The following EDAR variants were observed in gnomAD, a reference collection of about 807,000 sequenced individuals.
EDAR encodes tumor necrosis factor receptor superfamily member EDAR.
EDAR carries 38 observed loss-of-function variants against 51.3 expected under a neutral mutation model. That is an observed-to-expected ratio of 0.74 (90% CI 0.57 to 0.97). The LOEUF (loss-of-function observed/expected upper bound fraction) is 0.97. Among genes scored for constraint, EDAR ranks in the 50% least tolerant of loss-of-function variants. EDAR has a pLI of 0.00. For synonymous variants in EDAR, 227 were observed against 242.1 expected (o/e 0.94, Z 0.58); for missense variants, 528 against 595.0 (o/e 0.89, Z 1.17).
intron 1 of EDAR, among the ~76,000 whole-genome samples, chr2:108,953,517 T>C (rs1359126660): frequency 6.6e-6 from 1 of 152,132 alleles, no homozygotes; most frequent in Non-Finnish European, 1.5e-5. Context: ...TTTACTTTTC[T>C]TAAGGCTCAC....
chr2:108,906,534 T>G (rs1696810110), intron 10 of EDAR, among the ~76,000 whole-genome samples, 166 bp from the exon 11 acceptor site: 1 of 152,154 alleles, frequency 6.6e-6, no homozygotes, highest in Non-Finnish European at 1.5e-5. Flanking sequence ...GAGGAGGGCC[T>G]TCTTCAGGTT....
At chr2:108,953,594 C>A (rs1285349902) in intron 1 of EDAR, among the ~76,000 whole-genome samples, 1 of 152,052 alleles carries the variant, frequency 6.6e-6, no homozygotes, top group African/African-American at 2.4e-5. Context: ...TTGTCCAGTT[C>A]TATAGTTGTT....
intron 5 of EDAR, among the ~76,000 whole-genome samples, chr2:108,914,371 G>A (rs1176449958): frequency 6.6e-6 from 1 of 152,196 alleles, no homozygotes; most frequent in Non-Finnish European, 1.5e-5. Context: ...GACTTTTGCT[G>A]TATTTCTGCC....
At chr2:108,946,284 C>T (rs372848746) in intron 1 of EDAR, among the ~76,000 whole-genome samples, 11 of 152,324 alleles carry the variant, frequency 7.2e-5, no homozygotes, top group African/African-American at 1.7e-4. Flanking sequence ...TCAGTACCTA[C>T]GGGTGACAGT....
chr2:108,969,382 T>C (rs1164525910), intron 1 of EDAR, among the ~76,000 whole-genome samples: 1 of 152,198 alleles, frequency 6.6e-6, no homozygotes, highest in Non-Finnish European at 1.5e-5. Context: ...GTTCGGATGG[T>C]TGTATCTCCG....
chr2:108,908,729 A>G (rs978333514), intron 9 of EDAR, among the ~76,000 whole-genome samples: 3 of 152,166 alleles, frequency 2.0e-5, no homozygotes, highest in Admixed American at 6.5e-5. Flanking sequence ...TATATGAAAA[A>G]CAATATTCTT....
chr2:108,972,177 G>A (rs1698246586), intron 1 of EDAR, among the ~76,000 whole-genome samples: 1 of 152,238 alleles, frequency 6.6e-6, no homozygotes, highest in Non-Finnish European at 1.5e-5. Flanking sequence ...GTTTTAAGCA[G>A]TTACATTTGG....
Position 108,955,701 on chromosome 2 carries a change from G to A in EDAR, c.-18-24669C>T, listed in dbSNP as rs562404209. On this transcript the variant is annotated intron_variant, in intron 1 of 11. Transcript: ENST00000258443. ...AGCCTGGGCGACAGAGTGAGACTCT[G>A]TCTCAAAAAATAAATAAATACAATA... is the stretch of plus-strand genomic sequence containing the variant. Among the ~76,000 whole-genome samples, 3 of 152,022 alleles carry A rather than the reference G, an allele frequency of 2.0e-5. No individual in the cohort carries two copies. In the South Asian group the frequency reaches 6.2e-4, roughly 32 times the overall value.
Position 108,953,977 on chromosome 2 carries a change from G to C in EDAR, c.-18-22945C>G, listed in dbSNP as rs369244381. On this transcript the variant is annotated intron_variant, in intron 1 of 11. Coordinates refer to ENST00000258443, the MANE Select transcript of EDAR (RefSeq NM_022336.4). The stretch of plus-strand genomic sequence containing the variant: ...ATTACCAAGATCCTAAAACTTCTTT[G>C]GTTGCTCCTGAAAGGCATGATAAGT... Among the ~76,000 whole-genome samples, 4 of 152,230 alleles carry C rather than the reference G, an allele frequency of 2.6e-5. 1 individual carries two copies. The highest frequency in any genetic ancestry group is 1.9e-4 in the East Asian group (1 of 5,180).
At chr2:108,908,977 G>A (rs1329033261) in intron 9 of EDAR, among the ~76,000 whole-genome samples, 2 of 152,104 alleles carry the variant, frequency 1.3e-5, no homozygotes, top group Admixed American at 6.5e-5. Context: ...GTCCCCACTC[G>A]AGAGAAGGTG....
chr2:108,976,119 A>T (rs1016976254), intron 1 of EDAR, among the ~76,000 whole-genome samples: 2 of 152,122 alleles, frequency 1.3e-5, no homozygotes, highest in Non-Finnish European at 2.9e-5. Context: ...GTTTTCTCCT[A>T]ACGTTCTTTT....
intron 11 of EDAR, among the ~76,000 whole-genome samples, chr2:108,899,309 A>G (rs1437212652): frequency 6.6e-6 from 1 of 152,250 alleles, no homozygotes; most frequent in Non-Finnish European, 1.5e-5. Flanking sequence ...CCAGAGTTGC[A>G]TACCAGGTTG....
At chr2:108,921,144 G>C (rs1352996581) in intron 5 of EDAR, among the ~76,000 whole-genome samples, 1 of 152,106 alleles carries the variant, frequency 6.6e-6, no homozygotes, top group East Asian at 1.9e-4. Flanking sequence ...AGAAGCTGCC[G>C]TCTCTTTAAG....
rs547659299 is a variant in EDAR at position 108,958,960 on chromosome 2, G to A, written c.-18-27928C>T. Among the ~76,000 whole-genome samples the A allele has an allele frequency of 2.6e-5, 4 of 152,368 alleles. No individual in the cohort carries two copies. In the East Asian group the frequency reaches 7.7e-4, roughly 29 times the overall value. ...ATCATGGAATGCCACTTCCCTGCAA[G>A]TCCTCAAGAAGTGGCCTCCATGGCT... is the stretch of plus-strand genomic sequence containing the variant. On this transcript the variant is annotated intron_variant, in intron 1 of 11. Transcript: ENST00000258443.
intron 7 of EDAR, 44 bp downstream of exon 7, chr2:108,910,903 C>T (rs372183192): frequency 1.2e-5 from 19 of 1,613,740 alleles, no homozygotes; most frequent in Middle Eastern, 3.3e-4. Context: ...GGGGAGTTGA[C>T]GGAGAGTCCA....
chr2:108,930,909 T>C (rs1020076094), intron 2 of EDAR, 55 bp downstream of exon 2: 1 of 1,583,644 alleles, frequency 6.3e-7, no homozygotes, highest in African/African-American at 1.3e-5. Flanking sequence ...CAAGAAACAG[T>C]CCAACCATCA....
chr2:108,906,511 CCTGACACA>C, intron 10 of EDAR, 143 bp from the exon 11 acceptor site: 1 of 862,172 alleles, frequency 1.2e-6, no homozygotes, highest in Non-Finnish European at 1.9e-6. Flanking sequence ...GCAGCCCAGC[CCTGACACA>C]CAGGGAGGAG....
rs532175005 is a variant in EDAR at position 108,965,103 on chromosome 2, A to ATG, written c.-19+23855_-19+23856dup. Among the ~76,000 whole-genome samples the ATG allele has an allele frequency of 4.4e-3, 669 of 152,158 alleles. 5 individuals are homozygous for ATG. Among genetic ancestry groups the ATG allele is most frequent in the African/African-American group, 0.016 (648 of 41,532 alleles). On this transcript the variant is annotated intron_variant, in intron 1 of 11. Coordinates refer to ENST00000258443, the MANE Select transcript of EDAR (RefSeq NM_022336.4). Reference sequence around the variant, plus strand: ...TAGAAAAGTGTGTGTGCACGCAAGCATGTGTGTGTCTGTGTGTGTGTGTGA... The same window carrying ATG: ...TAGAAAAGTGTGTGTGCACGCAAGCATGTGTGTGTGTCTGTGTGTGTGTGTGA...
intron 11 of EDAR, among the ~76,000 whole-genome samples, chr2:108,905,714 A>C (rs977241146): frequency 6.6e-6 from 1 of 152,142 alleles, no homozygotes; most frequent in Non-Finnish European, 1.5e-5. Flanking sequence ...GGTAATTTAG[A>C]AAGTGGATTT....
Sources: gnomAD v4.1 joint callset for allele counts (sites outside exome capture counted in the v4.1 genomes callset) on GRCh38, gnomAD v4.1.1 for gene constraint, MANE v1.5 for transcripts, NCBI Gene and HGNC (gene_info 2026-07-23, HGNC 2026-07-21) for gene names.